The following FTO variants were observed in gnomAD, a reference collection of about 807,000 sequenced individuals.
FTO encodes the protein alpha-ketoglutarate-dependent dioxygenase FTO.
FTO carries 47 observed loss-of-function variants against 63.9 expected under a neutral mutation model. The ratio of observed to expected loss-of-function variants is 0.74; its 90% CI spans 0.58 to 0.94. The LOEUF is 0.94. FTO is among the 40% of genes least tolerant of loss of function. FTO has a pLI of 0.00. For missense variants in FTO, 562 were observed against 618.1 expected (o/e 0.91, Z 0.96); for synonymous variants, 207 against 224.4 (o/e 0.92, Z 0.69).
At chr16:53,819,332 G>C (rs370094922) in intron 2 of FTO, among the ~76,000 whole-genome samples, 8 of 152,078 alleles carry the variant, frequency 5.3e-5, no homozygotes, top group African/African-American at 1.9e-4. Context: ...ACCACACCTG[G>C]CTAATTTTTT....
intron 1 of FTO, among the ~76,000 whole-genome samples, chr16:53,753,266 A>AC (rs1278119420): frequency 1.3e-5 from 2 of 151,478 alleles, no homozygotes; most frequent in African/African-American, 4.9e-5. Flanking sequence ...AAAAAAAAAA[A>AC]AACAAAACAA....
chr16:53,786,298 C>T (rs1185478499), intron 1 of FTO, among the ~76,000 whole-genome samples: 3 of 152,094 alleles, frequency 2.0e-5, no homozygotes, highest in African/African-American at 7.2e-5. Flanking sequence ...GTGAGGAATA[C>T]TAGGAGAGGA....
intron 4 of FTO, among the ~76,000 whole-genome samples, chr16:53,851,216 G>T (rs564303512): frequency 1.7e-4 from 25 of 151,230 alleles, no homozygotes; most frequent in African/African-American, 5.8e-4. Flanking sequence ...GGGAGGCCAA[G>T]GCGGACGGAT....
intron 8 of FTO, among the ~76,000 whole-genome samples, chr16:54,075,130 C>T (rs1210388856): frequency 2.0e-5 from 3 of 152,090 alleles, no homozygotes; most frequent in African/African-American, 7.2e-5. Context: ...GAATGCTTGG[C>T]TTTTTCTAAT....
intron 8 of FTO, among the ~76,000 whole-genome samples, chr16:53,947,312 T>C (rs544573240): frequency 7.5e-4 from 114 of 152,328 alleles, no homozygotes; most frequent in Middle Eastern, 3.4e-3. Flanking sequence ...CCAAGCTGTC[T>C]GTATTCATTA....
At chr16:53,720,541 A>G (rs552785762) in intron 1 of FTO, among the ~76,000 whole-genome samples, 5 of 150,740 alleles carry the variant, frequency 3.3e-5, no homozygotes, top group African/African-American at 1.2e-4. Flanking sequence ...TAGTGATAAG[A>G]TCAGGATAAT....
At chr16:53,952,844 G>A (rs1276155154) in intron 8 of FTO, among the ~76,000 whole-genome samples, 1 of 152,166 alleles carries the variant, frequency 6.6e-6, no homozygotes, top group Non-Finnish European at 1.5e-5. Context: ...TAAAGTTCCA[G>A]AAAAATGCTC....
intron 4 of FTO, among the ~76,000 whole-genome samples, chr16:53,845,041 A>G (rs777802334): frequency 6.6e-6 from 1 of 152,166 alleles, no homozygotes; most frequent in Non-Finnish European, 1.5e-5. Flanking sequence ...GGTTAGGCCA[A>G]CTGAAGCTGT....
At chr16:53,935,397 T>G (rs2082366004) in intron 8 of FTO, among the ~76,000 whole-genome samples, 1 of 152,226 alleles carries the variant, frequency 6.6e-6, no homozygotes, top group African/African-American at 2.4e-5. Flanking sequence ...GTATGAGTAT[T>G]TATTCTCATT....
intron 7 of FTO, among the ~76,000 whole-genome samples, chr16:53,926,135 C>T (rs754141438): frequency 1.3e-5 from 2 of 152,124 alleles, no homozygotes; most frequent in Non-Finnish European, 2.9e-5. Flanking sequence ...TATACATAAC[C>T]TCATATTAGG....
At chr16:53,707,195 A>G (rs999421975) in intron 1 of FTO, among the ~76,000 whole-genome samples, 1 of 152,216 alleles carries the variant, frequency 6.6e-6, no homozygotes, top group African/African-American at 2.4e-5. Flanking sequence ...CTCCCTTTGA[A>G]GGACTCTAGG....
intron 6 of FTO, among the ~76,000 whole-genome samples, chr16:53,882,093 A>T (rs1413535865): frequency 1.3e-5 from 2 of 152,148 alleles, no homozygotes; most frequent in Admixed American, 6.5e-5. Context: ...AAAGAAAAAA[A>T]GGAGACACTA....
chr16:54,104,509 C>T (rs1332907209), intron 8 of FTO, among the ~76,000 whole-genome samples: 1 of 152,048 alleles, frequency 6.6e-6, no homozygotes, highest in Non-Finnish European at 1.5e-5. Context: ...GACAGGGTTT[C>T]ACCACATTGG....
chr16:54,001,995 G>A (rs896844080), intron 8 of FTO, among the ~76,000 whole-genome samples: 8 of 152,190 alleles, frequency 5.3e-5, no homozygotes, highest in African/African-American at 9.7e-5. Flanking sequence ...TCAAACACCC[G>A]AGGAAAGGTA....
At chr16:53,901,477 T>C (rs1230247412) in intron 7 of FTO, among the ~76,000 whole-genome samples, 2 of 152,226 alleles carry the variant, frequency 1.3e-5, no homozygotes, top group African/African-American at 4.8e-5. Context: ...GTGTCATTCA[T>C]GAGCTATTTG....
rs181556980 is a variant in FTO at position 54,054,930 on chromosome 16, C to T, written c.1365-56832C>T. 1.2e-3 allele frequency among the ~76,000 whole-genome samples: 178 copies of T among 152,266 alleles called. 2 individuals are homozygous for T. Among genetic ancestry groups the T allele is most frequent in the Middle Eastern group, 3.4e-3 (1 of 294 alleles). ...TGGCAGTTGAATCACCCCATTGATA[C>T]AAGAGCTCATTCTCTTTCTTTGACA... On this transcript the variant is annotated intron_variant, in intron 8 of 8. Transcript: ENST00000471389.
At chr16:53,786,526 T>G (rs1386480454) in intron 1 of FTO, among the ~76,000 whole-genome samples, 1 of 152,240 alleles carries the variant, frequency 6.6e-6, no homozygotes, top group African/African-American at 2.4e-5. Flanking sequence ...TATGAGATAA[T>G]GTCCTTTTTA....
chr16:53,793,079 C>A (rs1181279206), intron 1 of FTO, among the ~76,000 whole-genome samples: 1 of 152,124 alleles, frequency 6.6e-6, no homozygotes, highest in Admixed American at 6.5e-5. Flanking sequence ...TGAGTTACAG[C>A]TAATGGAGTC....
intron 8 of FTO, among the ~76,000 whole-genome samples, chr16:53,943,671 A>G (rs1323260593): frequency 6.6e-6 from 1 of 152,226 alleles, no homozygotes; most frequent in Non-Finnish European, 1.5e-5. Flanking sequence ...TATAGTTGCT[A>G]TGCCCTGTAT....
Sources: gnomAD v4.1 joint callset for allele counts (sites outside exome capture counted in the v4.1 genomes callset) on GRCh38, gnomAD v4.1.1 for gene constraint, MANE v1.5 for transcripts, NCBI Gene and HGNC (gene_info 2026-07-23, HGNC 2026-07-21) for gene names.